WHAMM: variants seen among roughly 807,000 people sequenced by gnomAD.
WHAMM encodes the protein WASP homolog associated with actin, golgi membranes and microtubules, also known as WASP homolog-associated protein with actin, membranes and microtubules.
Under a neutral mutation model 76.5 loss-of-function variants are expected in WHAMM, and 67 were observed. That is an observed-to-expected ratio of 0.88 (90% CI 0.72 to 1.07). The LOEUF (loss-of-function observed/expected upper bound fraction) is 1.07, where lower values mean the gene tolerates loss of function less well. Ranked by LOEUF, WHAMM falls within the 50% of genes least tolerant of loss-of-function variation. WHAMM has a pLI of 0.00. For missense variants in WHAMM, 1,021 were observed against 1,051.1 expected (o/e 0.97, Z 0.40); for synonymous variants, 419 against 422.1 (o/e 0.99, Z 0.09).
intron 1 of WHAMM, chr15:82,810,613 C>T (rs1335150994): frequency 1.0e-6 from 1 of 985,338 alleles, no homozygotes; most frequent in East Asian, 1.1e-4. Flanking sequence ...CCTGAAGATG[C>T]TGGCAGAGCA....
chr15:82,833,220 C>T lies in WHAMM; in HGVS notation c.2123-9C>T. On this transcript the variant is annotated splice_polypyrimidine_tract_variant and intron_variant, in intron 9 of 9. Transcript: ENST00000286760. ...ATTGATAGTACTAGCTCTGCTTATT[C>T]AATTTCAGGATCTATGGATGAAGTG... The T allele has an allele frequency of 6.2e-7, 1 of 1,611,594 alleles. No homozygotes were observed. Among genetic ancestry groups the T allele is most frequent in the Non-Finnish European group, 8.5e-7 (1 of 1,178,618 alleles).
Position 82,830,910 on chromosome 15 carries a change from ACCG to A in WHAMM, c.1959_1961del (p.Pro658del). ...CTCCTCCACCACCACCACCGCCGCC[ACCG>A]CCGCCCCCACCCCCTCCTCTCCGTG... is the stretch of plus-strand genomic sequence containing the variant. On this transcript the variant is annotated inframe_deletion, in exon 9 of 10. Coordinates refer to ENST00000286760, the MANE Select transcript of WHAMM (RefSeq NM_001080435.3). 1 of 900,678 alleles carries A rather than the reference ACCG, an allele frequency of 1.1e-6. No individual in the cohort carries two copies. The highest frequency in any genetic ancestry group is 1.3e-5 in the South Asian group (1 of 77,566). The allele number at this position is 900,678 out of a possible 1,614,324, so 55.8% of individuals were successfully genotyped here.
At position 82,816,841 on chromosome 15, in the gene WHAMM, A is replaced by G; in HGVS notation, c.933A>G (p.Ala311=). Residue 311 remains alanine (A), a splice_region_variant and synonymous_variant, in exon 3 of 10, where the codon GCA becomes GCG. Coordinates refer to ENST00000286760, the MANE Select transcript of WHAMM (RefSeq NM_001080435.3). ...NYFKETVKAL[A]GMQKEMEQDA... Reference sequence around the variant, plus strand: ...TTAAGGAGACAGTAAAAGCATTAGCAGGTGATAATTTAAAAAATGCTATAT... The same window carrying G: ...TTAAGGAGACAGTAAAAGCATTAGCGGGTGATAATTTAAAAAATGCTATAT... 6.4e-7 allele frequency: 1 copy of G among 1,552,824 alleles called. No individual in the cohort carries two copies. Among genetic ancestry groups the G allele is most frequent in the East Asian group, 2.4e-5 (1 of 42,340 alleles).
intron 6 of WHAMM, among the ~76,000 whole-genome samples, chr15:82,825,362 A>G (rs1474440078): frequency 2.6e-5 from 4 of 151,956 alleles, no homozygotes; most frequent in Non-Finnish European, 4.4e-5. Context: ...TGTTTTTTAT[A>G]TATATATATA....
intron 1 of WHAMM, among the ~76,000 whole-genome samples, chr15:82,811,815 G>A (rs1219472780): frequency 6.6e-6 from 1 of 151,648 alleles, no homozygotes; most frequent in African/African-American, 2.4e-5. Context: ...TTACTTTTGC[G>A]TGTGTGTTTT....
intron 4 of WHAMM, among the ~76,000 whole-genome samples, chr15:82,819,069 G>T (rs1423008171): frequency 1.3e-5 from 2 of 152,014 alleles, no homozygotes; most frequent in Non-Finnish European, 2.9e-5. Flanking sequence ...GAATTTTTGG[G>T]GGGACACCAA....
At position 82,833,650 on chromosome 15, in the gene WHAMM, G is replaced by C. The variant is rs190066990; in HGVS notation, c.*114G>C. The C allele has an allele frequency of 3.2e-4, 380 of 1,181,252 alleles. 1 individual carries two copies. In the African/African-American group the frequency reaches 5.4e-3, roughly 17 times the overall value. 73.2% of individuals were successfully genotyped at this position (1,181,252 alleles called of 1,614,324 possible). A position where few individuals can be genotyped will look rare whatever the true frequency, so the allele number is the denominator to read the frequency against. ...TGATAGATGGGCCACATAACACCCC[G>C]GAAGATCAGCAGGGCCTTGTGTAGG... is the stretch of plus-strand genomic sequence containing the variant. On this transcript the variant is annotated 3_prime_UTR_variant, in exon 10 of 10. Coordinates refer to ENST00000286760, the MANE Select transcript of WHAMM (RefSeq NM_001080435.3).
rs1305259539 is a variant in WHAMM, at chr15:82,809,721, A to C, written c.-6A>C. On this transcript the variant is annotated 5_prime_UTR_variant, in exon 1 of 10. Transcript: ENST00000286760. ...CCGAGCCCTAGGGCCGCTGCTGCCGACAGCCATGGAGGACGAGCAGCCTGA... is the reference window on the plus strand; with the variant it reads ...CCGAGCCCTAGGGCCGCTGCTGCCGCCAGCCATGGAGGACGAGCAGCCTGA... The C allele has an allele frequency of 1.4e-6, 2 of 1,466,134 alleles. No homozygotes were observed. Among genetic ancestry groups the C allele is most frequent in the Non-Finnish European group, 1.8e-6 (2 of 1,104,692 alleles). The allele number at this position is 1,466,134 out of a possible 1,614,324, so 90.8% of individuals were successfully genotyped here.
intron 5 of WHAMM, among the ~76,000 whole-genome samples, chr15:82,822,876 A>G (rs148436947): frequency 8.2e-4 from 125 of 151,810 alleles, no homozygotes; most frequent in African/African-American, 2.9e-3. Flanking sequence ...ATACATGCAT[A>G]CACTACATGG....
chr15:82,830,578 A>AC, intron 8 of WHAMM, 21 bp from the exon 9 acceptor site: 1 of 1,599,140 alleles, frequency 6.3e-7, no homozygotes, highest in Non-Finnish European at 8.5e-7. Flanking sequence ...CAGATTGCTC[A>AC]CCATGGTTTT....
Position 82,835,615 on chromosome 15 carries a change from CA to C in WHAMM, c.*2081del, listed in dbSNP as rs1456614714. On this transcript the variant is annotated 3_prime_UTR_variant, in exon 10 of 10. Transcript: ENST00000286760. ...GTGCTACCTTTTCAGAATGCAAATCCAACTCCTGTGTATGAATGAATGTGCC... is the reference window on the plus strand; with the variant it reads ...GTGCTACCTTTTCAGAATGCAAATCCACTCCTGTGTATGAATGAATGTGCC... 1 of 152,476 alleles carries C rather than the reference CA, an allele frequency of 6.6e-6. No homozygotes were observed. The highest frequency in any genetic ancestry group is 1.5e-5 in the Non-Finnish European group (1 of 68,218). The allele number at this position is 152,476 out of a possible 1,614,324, so 9.4% of individuals were successfully genotyped here.
Position 82,810,292 on chromosome 15 carries a change from C to T in WHAMM, c.566C>T (p.Ala189Val), listed in dbSNP as rs778881520. Residue 189 changes from alanine to valine, a missense_variant, in exon 1 of 10, where the codon GCC (alanine) becomes GTC (valine). By Grantham distance (64) the Ala-to-Val change is moderately conservative. Coordinates refer to ENST00000286760, the MANE Select transcript of WHAMM (RefSeq NM_001080435.3). ...AGCCCGCGCGAGTTCCGGGAGCGGGCCTTGCGCGCGCGGTGGGTCGAGGCG... is the reference window on the plus strand; with the variant it reads ...AGCCCGCGCGAGTTCCGGGAGCGGGTCTTGCGCGCGCGGTGGGTCGAGGCG... ...CESPREFRER[A>V]LRARWVEADA... 9.7e-6 allele frequency: 13 copies of T among 1,347,080 alleles called. No homozygotes were observed. In the East Asian group the frequency reaches 3.1e-4, roughly 32 times the overall value. 83.4% of individuals were successfully genotyped at this position (1,347,080 alleles called of 1,614,324 possible). A position where few individuals can be genotyped will look rare whatever the true frequency, so the allele number is the denominator to read the frequency against.
intron 9 of WHAMM, among the ~76,000 whole-genome samples, chr15:82,831,995 A>G (rs2051038874): frequency 6.6e-6 from 1 of 152,246 alleles, no homozygotes; most frequent in African/African-American, 2.4e-5. Context: ...ACCAGGTACA[A>G]ATGAAAATGT....
At chr15:82,810,387 A>C in intron 1 of WHAMM, 52 bp downstream of exon 1, 1 of 1,251,478 alleles carries the variant, frequency 8.0e-7, no homozygotes. Flanking sequence ...GGCCTGGGAC[A>C]CTGTGGGAGG....
intron 1 of WHAMM, among the ~76,000 whole-genome samples, chr15:82,812,377 C>T (rs1303715495): frequency 6.6e-6 from 1 of 152,058 alleles, no homozygotes; most frequent in Non-Finnish European, 1.5e-5. Flanking sequence ...TGCAGGCGCC[C>T]GCCACCACGC....
chr15:82,810,086 G>A lies in WHAMM; in HGVS notation c.360G>A (p.Trp120Ter). The A allele has an allele frequency of 8.1e-7, 1 of 1,240,032 alleles. No individual in the cohort carries two copies. Among genetic ancestry groups the A allele is most frequent in the South Asian group, 2.8e-5 (1 of 35,116 alleles). 76.8% of individuals were successfully genotyped at this position (1,240,032 alleles called of 1,614,324 possible). A position where few individuals can be genotyped will look rare whatever the true frequency, so the allele number is the denominator to read the frequency against. The stretch of plus-strand genomic sequence containing the variant: ...TGGACGTGGGCGGCGGCGGGGCCTG[G>A]GGTCTGGGGCTCGGGCTGTGGGCGC... ...PELDVGGGGA[W>*]GLGLGLWALL... Residue 120 changes from tryptophan (W) to a stop codon, truncating the protein, a stop_gained, in exon 1 of 10, where the codon TGG becomes TGA. Coordinates refer to ENST00000286760, the MANE Select transcript of WHAMM (RefSeq NM_001080435.3). LOFTEE classifies it high-confidence loss of function.
chr15:82,824,820 C>CT (rs763798325), intron 6 of WHAMM, among the ~76,000 whole-genome samples: 1 of 152,086 alleles, frequency 6.6e-6, no homozygotes, highest in Non-Finnish European at 1.5e-5. Context: ...ACTTTTGTAG[C>CT]TTATAAAAAT....
In WHAMM at chr15:82,810,354, C is replaced by T. The variant is rs1271526449; in HGVS notation, c.609+19C>T. 1.5e-6 allele frequency: 2 copies of T among 1,302,160 alleles called. No homozygotes were observed. Among genetic ancestry groups the T allele is most frequent in the African/African-American group, 1.6e-5 (1 of 64,318 alleles). The allele number at this position is 1,302,160 out of a possible 1,614,324, so 80.7% of individuals were successfully genotyped here. On this transcript the variant is annotated intron_variant, in intron 1 of 9. Coordinates refer to ENST00000286760, the MANE Select transcript of WHAMM (RefSeq NM_001080435.3). ...GCGCCAGGTAAGCGAGGCCCGGTCG[C>T]CGGCGTTCGTCCGCGCTTCCATGGC...
chr15:82,826,699 A>C, intron 7 of WHAMM, 52 bp from the exon 8 acceptor site: 3 of 1,530,406 alleles, frequency 2.0e-6, no homozygotes, highest in Non-Finnish European at 2.6e-6. Flanking sequence ...GTATGCCAAG[A>C]CATTTTTTGT....
Sources: allele counts gnomAD v4.1 joint callset (sites outside exome capture counted in the v4.1 genomes callset), GRCh38; gene constraint gnomAD v4.1.1; transcripts MANE v1.5; gene names NCBI Gene and HGNC (gene_info 2026-07-23, HGNC 2026-07-21).